NRG3: variants seen among roughly 807,000 people sequenced by gnomAD.
NRG3 encodes the protein pro-neuregulin-3, membrane-bound isoform.
Under a neutral mutation model 66.9 loss-of-function variants are expected in NRG3, and 31 were observed. The ratio of observed to expected loss-of-function variants is 0.46; its 90% CI spans 0.35 to 0.63. NRG3 has a LOEUF of 0.63. NRG3 is among the 20% of genes least tolerant of loss of function. The pLI is 0.00. For synonymous variants in NRG3, 393 were observed against 359.4 expected (o/e 1.09, Z -1.06); for missense variants, 910 against 878.9 (o/e 1.04, Z -0.45).
intron 1 of NRG3, among the ~76,000 whole-genome samples, chr10:82,081,246 C>A (rs552217037): frequency 6.6e-6 from 1 of 152,082 alleles, no homozygotes; most frequent in African/African-American, 2.4e-5. Context: ...TCTGACATTC[C>A]AAGAGTAGAG....
chr10:82,456,462 A>G (rs1002247336), intron 2 of NRG3, among the ~76,000 whole-genome samples: 2 of 152,060 alleles, frequency 1.3e-5, no homozygotes, highest in Non-Finnish European at 2.9e-5. Flanking sequence ...TTACTTTTTA[A>G]AACTTTTTGT....
chr10:82,808,884 G>C (rs554162440), intron 3 of NRG3, among the ~76,000 whole-genome samples: 1 of 152,258 alleles, frequency 6.6e-6, no homozygotes, highest in South Asian at 2.1e-4. Flanking sequence ...TACTAAAATT[G>C]CATGAATTAC....
chr10:82,729,005 G>A (rs1402496282), intron 2 of NRG3, among the ~76,000 whole-genome samples: 3 of 152,088 alleles, frequency 2.0e-5, no homozygotes, highest in African/African-American at 7.2e-5. Flanking sequence ...GGGTGTGAGT[G>A]TGTGTAAAGG....
Position 82,496,190 on chromosome 10 carries a change from G to A in NRG3, c.953+137322G>A, listed in dbSNP as rs1042182112. Among the ~76,000 whole-genome samples, 3 of 152,140 alleles carry A rather than the reference G, an allele frequency of 2.0e-5. No individual in the cohort carries two copies. In the East Asian group the frequency reaches 5.8e-4, roughly 29 times the overall value. ...GACTGATACATTCAAACAATTTTAG[G>A]TTTGTAACATGGTTGTTAGCGATAA... On this transcript the variant is annotated intron_variant, in intron 2 of 8. Transcript: ENST00000372141.
At chr10:82,959,209 GT>G in intron 6 of NRG3, 134 bp downstream of exon 6, 1 of 994,398 alleles carries the variant, frequency 1.0e-6, no homozygotes, top group South Asian at 2.6e-5. Context: ...CGTTTTAACA[GT>G]TCTGGGCTGG....
chr10:82,767,731 A>G (rs931061769), intron 3 of NRG3, among the ~76,000 whole-genome samples: 2 of 152,042 alleles, frequency 1.3e-5, no homozygotes, highest in Non-Finnish European at 2.9e-5. Context: ...TAACTATAAC[A>G]CTGTAAATTC....
chr10:82,128,147 A>C (rs1416112311), intron 1 of NRG3, among the ~76,000 whole-genome samples: 3 of 151,904 alleles, frequency 2.0e-5, no homozygotes, highest in Non-Finnish European at 2.9e-5. Context: ...TGGAAGATAA[A>C]ATGTGTGCTG....
At chr10:82,620,063 C>G (rs976760818) in intron 2 of NRG3, among the ~76,000 whole-genome samples, 1 of 152,160 alleles carries the variant, frequency 6.6e-6, no homozygotes, top group African/African-American at 2.4e-5. Context: ...CTTTGGGCAC[C>G]AGCAAGAGCA....
intron 1 of NRG3, among the ~76,000 whole-genome samples, chr10:81,974,978 TTGG>T (rs1023025268): frequency 3.9e-5 from 6 of 152,110 alleles, no homozygotes; most frequent in Admixed American, 3.3e-4. Context: ...GTAAGTTAAG[TTGG>T]GCAGGCCTAA....
At chr10:82,322,285 AG>A (rs2081618355) in intron 1 of NRG3, among the ~76,000 whole-genome samples, 2 of 152,220 alleles carry the variant, frequency 1.3e-5, no homozygotes, top group African/African-American at 4.8e-5. Context: ...ATTAAAATTT[AG>A]GGGTTTTTAA....
intron 1 of NRG3, among the ~76,000 whole-genome samples, chr10:82,054,635 A>G (rs1302596696): frequency 2.0e-5 from 3 of 152,268 alleles, no homozygotes; most frequent in African/African-American, 4.8e-5. Flanking sequence ...AAGGGACTCC[A>G]ATATTTAGAG....
chr10:82,012,180 C>G (rs1019042164), intron 1 of NRG3, among the ~76,000 whole-genome samples: 1 of 152,148 alleles, frequency 6.6e-6, no homozygotes, highest in East Asian at 1.9e-4. Flanking sequence ...TTCTGTGTAC[C>G]CACATGCTCA....
intron 1 of NRG3, among the ~76,000 whole-genome samples, chr10:81,907,949 A>G (rs756786257): frequency 6.6e-6 from 1 of 152,196 alleles, no homozygotes; most frequent in Non-Finnish European, 1.5e-5. Context: ...AGGAATCAAT[A>G]TGCCTAATTG....
At chr10:82,476,512 A>G (rs921631497) in intron 2 of NRG3, among the ~76,000 whole-genome samples, 3 of 152,232 alleles carry the variant, frequency 2.0e-5, no homozygotes, top group Non-Finnish European at 2.9e-5. Context: ...ACAATGGAAT[A>G]TTGTTCAGCC....
Position 82,642,776 on chromosome 10 carries a change from C to T in NRG3, c.954-95801C>T, listed in dbSNP as rs549924422. Among the ~76,000 whole-genome samples, 51 of 152,006 alleles carry T rather than the reference C, an allele frequency of 3.4e-4. 1 individual carries two copies. In the South Asian group the frequency reaches 9.1e-3, roughly 27 times the overall value. ...TAAACAAAAAGCTGCTGAAAGATATCGTCAACATTTGTGAAACATTTAGAT... is the reference window on the plus strand; with the variant it reads ...TAAACAAAAAGCTGCTGAAAGATATTGTCAACATTTGTGAAACATTTAGAT... On this transcript the variant is annotated intron_variant, in intron 2 of 8. Coordinates refer to ENST00000372141, the MANE Select transcript of NRG3 (RefSeq NM_001010848.4).
chr10:82,623,237 T>C (rs1465259779), intron 2 of NRG3, among the ~76,000 whole-genome samples: 1 of 152,154 alleles, frequency 6.6e-6, no homozygotes, highest in Non-Finnish European at 1.5e-5. Context: ...GGAGTAGGAC[T>C]TAAGGATTCT....
intron 2 of NRG3, among the ~76,000 whole-genome samples, chr10:82,724,894 C>G (rs1173186907): frequency 6.6e-6 from 1 of 152,176 alleles, no homozygotes; most frequent in Non-Finnish European, 1.5e-5. Flanking sequence ...TCTTCCTGAT[C>G]AAGGTACGTA....
At chr10:82,185,436 T>A (rs952262577) in intron 1 of NRG3, among the ~76,000 whole-genome samples, 1 of 152,166 alleles carries the variant, frequency 6.6e-6, no homozygotes, top group Admixed American at 6.6e-5. Context: ...TAAAGCTTAT[T>A]TTGTGTACAG....
intron 4 of NRG3, among the ~76,000 whole-genome samples, chr10:82,879,554 G>C (rs1481058169): frequency 1.4e-5 from 2 of 145,986 alleles, no homozygotes; most frequent in Non-Finnish European, 3.0e-5. Context: ...CTCACTGCAA[G>C]CTCCACCTCC....
Sources: allele counts gnomAD v4.1 joint callset (sites outside exome capture counted in the v4.1 genomes callset), GRCh38; gene constraint gnomAD v4.1.1; transcripts MANE v1.5; gene names NCBI Gene and HGNC (gene_info 2026-07-23, HGNC 2026-07-21).